The following CAST variants were observed in gnomAD, a reference collection of about 807,000 sequenced individuals.
CAST encodes the protein calpastatin, also known as MIR583 host.
Under a neutral mutation model 119.6 loss-of-function variants are expected in CAST, and 76 were observed. The ratio of observed to expected loss-of-function variants is 0.64; its 90% CI spans 0.53 to 0.77. The LOEUF (loss-of-function observed/expected upper bound fraction) is 0.77, where lower values mean the gene tolerates loss of function less well. CAST is among the 30% of genes least tolerant of loss of function. CAST has a pLI of 0.00. For synonymous variants in CAST, 319 were observed against 331.6 expected, an observed-to-expected ratio of 0.96 and a Z score of 0.41; for missense variants, 953 against 946.5, an observed-to-expected ratio of 1.01 and a Z score of -0.09.
At chr5:96,412,418 A>G in the CAST span, 12 of 1,613,900 alleles carry the variant, frequency 7.4e-6, no homozygotes, top group Non-Finnish European at 1.0e-5. Context: ...GTAAATATCC[A>G]CGTGTCCAGG....
chr5:96,408,157 A>G, the CAST span: 20 of 1,156,138 alleles, frequency 1.7e-5, no homozygotes, highest in Non-Finnish European at 2.6e-5. Flanking sequence ...TTCAGAAAAA[A>G]AAGTGTTATT....
chr5:96,584,826 CAACTGGA>C (rs1243073678), intron 1 of CAST: 4 of 152,440 alleles, frequency 2.6e-5, no homozygotes, highest in African/African-American at 9.6e-5. Context: ...GGGAGAAAAA[CAACTGGA>C]AACTGGAACA....
chr5:96,478,901 G>A, the CAST span, among the ~76,000 whole-genome samples: 5 of 152,202 alleles, frequency 3.3e-5, no homozygotes, highest in African/African-American at 7.2e-5. Flanking sequence ...CATAGGGAGC[G>A]CACTGGCCAG....
At chr5:96,054,733 T>C in the CAST span, among the ~76,000 whole-genome samples, 3 of 152,174 alleles carry the variant, frequency 2.0e-5, no homozygotes, top group African/African-American at 7.2e-5. Context: ...TTCAATACTA[T>C]TTATTTTGAG....
intron 3 of CAST, among the ~76,000 whole-genome samples, chr5:96,712,087 A>G (rs887267902): frequency 2.6e-5 from 4 of 152,250 alleles, no homozygotes; most frequent in African/African-American, 9.6e-5. Context: ...CAGTGCTCAT[A>G]TATTTACAGC....
the CAST span, chr5:96,410,694 A>G: frequency 1.8e-6 from 2 of 1,137,042 alleles, no homozygotes; most frequent in Non-Finnish European, 2.7e-6. Flanking sequence ...AGTCGTACCA[A>G]AGGTCAGTTA....
At chr5:96,269,234 C>T in the CAST span, among the ~76,000 whole-genome samples, 6 of 151,954 alleles carry the variant, frequency 3.9e-5, no homozygotes, top group African/African-American at 7.3e-5. Flanking sequence ...CATTATATAA[C>T]GTGAAAGGGG....
chr5:96,483,191 T>C, the CAST span, among the ~76,000 whole-genome samples: 9 of 152,192 alleles, frequency 5.9e-5, no homozygotes, highest in Admixed American at 5.2e-4. Context: ...TTAGAGTCTA[T>C]GAACCTCAGG....
At chr5:96,727,637 CTAATT>C in intron 6 of CAST, 107 bp downstream of exon 6, 1 of 611,054 alleles carries the variant, frequency 1.6e-6, no homozygotes, top group East Asian at 3.0e-5. Flanking sequence ...GGGTTGCTGG[CTAATT>C]TAATTAATTT....
At chr5:96,622,450 A>G (rs1208415378) in intron 1 of CAST, among the ~76,000 whole-genome samples, 3 of 152,344 alleles carry the variant, frequency 2.0e-5, no homozygotes, top group Admixed American at 6.5e-5. Flanking sequence ...GGAGAAAGAG[A>G]GAATGCATGT....
At chr5:96,169,443 T>C in the CAST span, among the ~76,000 whole-genome samples, 907 of 152,166 alleles carry the variant, frequency 6.0e-3, 13 homozygotes, top group African/African-American at 0.02. Flanking sequence ...TTTGGCACCA[T>C]GGGGTGGGTA....
the CAST span, among the ~76,000 whole-genome samples, chr5:96,257,669 A>G: frequency 1.3e-5 from 2 of 152,232 alleles, no homozygotes; most frequent in South Asian, 4.1e-4. Flanking sequence ...AACATTCTGC[A>G]CAGCAGCAAT....
chr5:96,364,817 G>C, the CAST span, among the ~76,000 whole-genome samples: 454 of 152,110 alleles, frequency 3.0e-3, 5 homozygotes, highest in Admixed American at 4.8e-3. Flanking sequence ...TTGTGTCTCT[G>C]TCTCCATCAG....
At chr5:96,493,470 C>T in the CAST span, among the ~76,000 whole-genome samples, 1 of 152,144 alleles carries the variant, frequency 6.6e-6, no homozygotes, top group Non-Finnish European at 1.5e-5. Flanking sequence ...AATTGCAACT[C>T]CCCAGTTGGA....
the CAST span, among the ~76,000 whole-genome samples, chr5:96,213,112 C>T: frequency 6.6e-6 from 1 of 151,390 alleles, no homozygotes; most frequent in Admixed American, 6.6e-5. Flanking sequence ...GAGTAATATG[C>T]TATCTCTAAA....
At chr5:96,412,370 A>G in the CAST span, 1 of 1,614,110 alleles carries the variant, frequency 6.2e-7, no homozygotes, top group Non-Finnish European at 8.5e-7. Flanking sequence ...AGGCCCCTCC[A>G]CAGTTTTCCC....
the CAST span, among the ~76,000 whole-genome samples, chr5:96,374,564 G>A: frequency 2.0e-5 from 3 of 152,140 alleles, no homozygotes; most frequent in East Asian, 1.9e-4. Flanking sequence ...TTCATGTGTC[G>A]ATGGGTACAG....
chr5:96,687,767 TA>T (rs1752250250), intron 2 of CAST, among the ~76,000 whole-genome samples: 1 of 152,334 alleles, frequency 6.6e-6, no homozygotes, highest in East Asian at 1.9e-4. Context: ...AACAATCTTA[TA>T]ATAACATCCC....
chr5:96,428,400 T>C, the CAST span, among the ~76,000 whole-genome samples: 2 of 152,186 alleles, frequency 1.3e-5, no homozygotes, highest in South Asian at 4.1e-4. Flanking sequence ...TCTTCCAGTA[T>C]GGCATTTCTT....
Sources: allele counts gnomAD v4.1 joint callset (sites outside exome capture counted in the v4.1 genomes callset), GRCh38; gene constraint gnomAD v4.1.1; transcripts MANE v1.5; gene names NCBI Gene and HGNC (gene_info 2026-07-23, HGNC 2026-07-21).